PPP1R12B: variants seen among roughly 807,000 people sequenced by gnomAD.
PPP1R12B encodes the protein protein phosphatase 1 regulatory subunit 12B.
A neutral mutation model predicts 126.1 loss-of-function variants in PPP1R12B; 76 were observed. The ratio of observed to expected loss-of-function variants is 0.60; its 90% CI spans 0.50 to 0.73. The LOEUF (loss-of-function observed/expected upper bound fraction) is 0.73, where lower values mean the gene tolerates loss of function less well. Among genes scored for constraint, PPP1R12B ranks in the 30% least tolerant of loss-of-function variants. PPP1R12B has a pLI of 0.00. For missense variants in PPP1R12B, 1,052 were observed against 1,205.1 expected (o/e 0.87, Z 1.88); for synonymous variants, 356 against 434.7 (o/e 0.82, Z 2.25).
Position 202,569,157 on chromosome 1 carries a change from C to G in PPP1R12B, c.2822C>G (p.Ala941Gly). ...ATTGTTCCGAAACAGGAGAGGCGAG[C>G]CTTGGAGCGCAAAATGTCAGAAATG... ...VLEMEKRERR[A>G]LERKMSEMEE... Residue 941 changes from alanine (A) to glycine (G), a missense_variant, in exon 23 of 24, where the codon GCC becomes GGC. Coordinates refer to ENST00000608999, the MANE Select transcript of PPP1R12B (RefSeq NM_002481.4). 1 of 1,613,486 alleles carries G rather than the reference C, an allele frequency of 6.2e-7. No homozygotes were observed.
intron 21 of PPP1R12B, among the ~76,000 whole-genome samples, chr1:202,567,198 G>A (rs1466943198): frequency 3.3e-5 from 5 of 152,190 alleles, no homozygotes; most frequent in Non-Finnish European, 7.4e-5. Context: ...AAGCAGGGCA[G>A]ATGCCATGAA....
intron 18 of PPP1R12B, among the ~76,000 whole-genome samples, chr1:202,512,509 G>A (rs1201582474): frequency 1.3e-5 from 2 of 152,182 alleles, no homozygotes; most frequent in Non-Finnish European, 2.9e-5. Flanking sequence ...TCTCTTATTA[G>A]CTGGGTGGTC....
chr1:202,460,120 T>A (rs1674129810), intron 13 of PPP1R12B, among the ~76,000 whole-genome samples: 1 of 152,226 alleles, frequency 6.6e-6, no homozygotes, highest in South Asian at 2.1e-4. Flanking sequence ...ATTCTTTTGT[T>A]TTTCCTTTAG....
chr1:202,497,742 T>C (rs1474839713), intron 18 of PPP1R12B, among the ~76,000 whole-genome samples: 1 of 152,172 alleles, frequency 6.6e-6, no homozygotes, highest in Non-Finnish European at 1.5e-5. Flanking sequence ...GGCTACTTCA[T>C]AAAGGCAAGC....
At chr1:202,496,977 T>C (rs1467339926) in intron 18 of PPP1R12B, among the ~76,000 whole-genome samples, 155 bp downstream of exon 18, 1 of 152,216 alleles carries the variant, frequency 6.6e-6, no homozygotes, top group Non-Finnish European at 1.5e-5. Flanking sequence ...GGTGTTAGTT[T>C]GTGGTACTAT....
intron 1 of PPP1R12B, among the ~76,000 whole-genome samples, chr1:202,403,836 T>C (rs3855875): frequency 0.41 from 62,693 of 152,062 alleles, 14,917 homozygotes; most frequent in East Asian, 0.71. Flanking sequence ...AAATCACCCA[T>C]GGTCCTAAGC....
chr1:202,495,362 T>A lies in PPP1R12B; in HGVS notation c.2215T>A (p.Ser739Thr), dbSNP rs1679418466. The change falls in exon 16 of 24, where the codon TCA becomes ACA. Residue 739 changes from serine to threonine, a missense_variant. Transcript: ENST00000608999. Reference sequence around the variant, plus strand: ...CACCACGCCAGCATCTCCTTCTACGTCAAGACCCTCACTCTACACCAGTTC... The same window carrying A: ...CACCACGCCAGCATCTCCTTCTACGACAAGACCCTCACTCTACACCAGTTC... ...KPTTPASPST[S>T]RPSLYTSSHL... 4 of 1,606,896 alleles carry A rather than the reference T, an allele frequency of 2.5e-6. No homozygotes were observed. Among genetic ancestry groups the A allele is most frequent in the Non-Finnish European group, 3.4e-6 (4 of 1,176,656 alleles).
intron 13 of PPP1R12B, among the ~76,000 whole-genome samples, chr1:202,459,480 A>G (rs1423970547): frequency 6.6e-6 from 1 of 152,204 alleles, no homozygotes; most frequent in Non-Finnish European, 1.5e-5. Context: ...AACTTGTAAA[A>G]CAGTTTATTC....
intron 1 of PPP1R12B, among the ~76,000 whole-genome samples, chr1:202,362,414 A>G (rs1296250881): frequency 6.6e-6 from 1 of 152,212 alleles, no homozygotes; most frequent in East Asian, 1.9e-4. Context: ...CACCTGTTGA[A>G]GAGTTCCTAC....
chr1:202,472,430 C>A (rs533000033), intron 13 of PPP1R12B, among the ~76,000 whole-genome samples: 1 of 152,286 alleles, frequency 6.6e-6, no homozygotes, highest in East Asian at 1.9e-4. Context: ...CCAGGTCCAG[C>A]TGGTATAGCT....
intron 18 of PPP1R12B, among the ~76,000 whole-genome samples, chr1:202,541,596 C>G (rs1423380067): frequency 1.3e-5 from 2 of 152,128 alleles, no homozygotes; most frequent in Non-Finnish European, 2.9e-5. Context: ...TTTATCTTTG[C>G]TCCCTTCCCT....
rs550111416 is a variant in PPP1R12B, at chr1:202,416,922, G to A, written c.422+5G>A. Reference sequence around the variant, plus strand: ...TGGCTATCTCAACATAGCAGAGTGAGTGAGTCTCTGTGTGTGTGGCTTTGT... The same window carrying A: ...TGGCTATCTCAACATAGCAGAGTGAATGAGTCTCTGTGTGTGTGGCTTTGT... On this transcript the variant is annotated splice_donor_5th_base_variant and intron_variant, in intron 2 of 23. Coordinates refer to ENST00000608999, the MANE Select transcript of PPP1R12B (RefSeq NM_002481.4). 1 of 1,612,680 alleles carries A rather than the reference G, an allele frequency of 6.2e-7. No individual in the cohort carries two copies. Among genetic ancestry groups the A allele is most frequent in the Non-Finnish European group, 8.5e-7 (1 of 1,179,172 alleles).
chr1:202,494,833 G>A (rs1223868986), intron 15 of PPP1R12B, among the ~76,000 whole-genome samples: 3 of 152,080 alleles, frequency 2.0e-5, no homozygotes, highest in South Asian at 2.1e-4. Context: ...TTCAGAACTC[G>A]GTAGGATACT....
intron 18 of PPP1R12B, among the ~76,000 whole-genome samples, chr1:202,550,407 A>G (rs1025423559): frequency 2.0e-5 from 3 of 152,184 alleles, no homozygotes; most frequent in African/African-American, 7.2e-5. Context: ...GCTAGTGGGG[A>G]GAGACCTGGA....
intron 18 of PPP1R12B, among the ~76,000 whole-genome samples, chr1:202,523,696 G>GT (rs1683019933): frequency 6.6e-6 from 1 of 151,948 alleles, no homozygotes; most frequent in Non-Finnish European, 1.5e-5. Context: ...GACTTAAGTT[G>GT]TTTTTTTGTT....
At chr1:202,429,596 T>C (rs1045568545) in intron 6 of PPP1R12B, among the ~76,000 whole-genome samples, 5 of 152,116 alleles carry the variant, frequency 3.3e-5, no homozygotes, top group Non-Finnish European at 7.3e-5. Flanking sequence ...ACCCACCCCA[T>C]ATACAGATGA....
chr1:202,389,141 T>G (rs1349103086), intron 1 of PPP1R12B, among the ~76,000 whole-genome samples: 1 of 152,102 alleles, frequency 6.6e-6, no homozygotes, highest in African/African-American at 2.4e-5. Context: ...TAATATAATT[T>G]TTAGAAGGAA....
rs1658979331 is a variant in PPP1R12B at position 202,365,148 on chromosome 1, A to G, written c.291+16006A>G. ...AACATAGTTGAACTCATGGTATGTT[A>G]AAATTACCATAAGTACTGTGGCCAG... On this transcript the variant is annotated intron_variant, in intron 1 of 23. Transcript: ENST00000608999. Among the ~76,000 whole-genome samples, 3 of 152,320 alleles carry G rather than the reference A, an allele frequency of 2.0e-5. No individual in the cohort carries two copies. The South Asian group carries it at 6.2e-4, about 32-fold the overall frequency.
chr1:202,463,899 C>T (rs1451804423), intron 13 of PPP1R12B, among the ~76,000 whole-genome samples: 1 of 152,180 alleles, frequency 6.6e-6, no homozygotes, highest in Non-Finnish European at 1.5e-5. Flanking sequence ...ATCCCTTTCT[C>T]TCAACTCTTC....
Sources: gnomAD v4.1 joint callset for allele counts (sites outside exome capture counted in the v4.1 genomes callset) on GRCh38, gnomAD v4.1.1 for gene constraint, MANE v1.5 for transcripts, NCBI Gene and HGNC (gene_info 2026-07-23, HGNC 2026-07-21) for gene names.